The following RHOBTB1 variants were observed in gnomAD, a reference collection of about 807,000 sequenced individuals.
RHOBTB1 encodes the protein Rho related BTB domain containing 1.
A neutral mutation model predicts 71.6 loss-of-function variants in RHOBTB1; 40 were observed. That is an observed-to-expected ratio of 0.56 (90% CI 0.43 to 0.73). The LOEUF is 0.73. RHOBTB1 is among the 30% of genes least tolerant of loss of function. RHOBTB1 has a pLI of 0.00. For missense variants in RHOBTB1, 797 were observed against 894.0 expected (o/e 0.89, Z 1.38); for synonymous variants, 319 against 334.9 (o/e 0.95, Z 0.52).
rs2081708211 is a variant in RHOBTB1 at position 60,888,416 on chromosome 10, GA to G, written c.1251del (p.Leu418PhefsTer28). On this transcript the variant is annotated frameshift_variant, in exon 6 of 11. Coordinates refer to ENST00000337910, the MANE Select transcript of RHOBTB1 (RefSeq NM_014836.5). LOFTEE classifies it high-confidence loss of function. ...QPGPFRTLLQ[F>X]LYTGQLDEKE... is the part of the protein sequence containing the mutation. ...TTTTCATCCAGTTGTCCCGTATAAA[GA>G]AACTGGAGCAGGGTCCGAAAAGGGC... is the stretch of plus-strand genomic sequence containing the variant. 1.9e-6 allele frequency: 3 copies of G among 1,614,038 alleles called. No individual in the cohort carries two copies. The highest frequency in any genetic ancestry group is 1.7e-6 in the Non-Finnish European group (2 of 1,180,034).
chr10:60,899,346 A>T (rs1205104465), intron 4 of RHOBTB1, among the ~76,000 whole-genome samples: 1 of 152,238 alleles, frequency 6.6e-6, no homozygotes, highest in Non-Finnish European at 1.5e-5. Context: ...TCTGGAGTTC[A>T]TATTCCTCTT....
chr10:60,912,148 CTTATA>C (rs1485525324), intron 2 of RHOBTB1, among the ~76,000 whole-genome samples: 2 of 151,996 alleles, frequency 1.3e-5, no homozygotes, highest in African/African-American at 2.4e-5. Flanking sequence ...ATCAAATTAA[CTTATA>C]TTTATTTGTA....
intron 2 of RHOBTB1, among the ~76,000 whole-genome samples, chr10:60,932,029 G>C (rs1163466641): frequency 6.6e-6 from 1 of 152,106 alleles, no homozygotes; most frequent in Non-Finnish European, 1.5e-5. Context: ...GATATTCTAA[G>C]CTTAGATCAA....
At chr10:60,980,210 T>C (rs1005677753) in intron 2 of RHOBTB1, among the ~76,000 whole-genome samples, 3 of 152,232 alleles carry the variant, frequency 2.0e-5, no homozygotes, top group South Asian at 2.1e-4. Context: ...GAGCAAGACA[T>C]TAATGATAGG....
intron 1 of RHOBTB1, among the ~76,000 whole-genome samples, chr10:60,943,384 C>T (rs974405025): frequency 2.0e-5 from 3 of 152,182 alleles, no homozygotes; most frequent in African/African-American, 7.2e-5. Flanking sequence ...TGGTTGTTTT[C>T]CCCAAAGCTG....
At chr10:60,937,913 T>G (rs1417968708) in intron 2 of RHOBTB1, among the ~76,000 whole-genome samples, 2 of 152,200 alleles carry the variant, frequency 1.3e-5, no homozygotes, top group Admixed American at 6.5e-5. Context: ...TTTACATGCA[T>G]GAGGATTTTA....
At position 60,889,094 on chromosome 10, in the gene RHOBTB1, CA is replaced by C; in HGVS notation, c.573del (p.Phe191LeufsTer18). The C allele has an allele frequency of 6.2e-7, 1 of 1,614,182 alleles. No homozygotes were observed. The highest frequency in any genetic ancestry group is 8.5e-7 in the Non-Finnish European group (1 of 1,180,022). On this transcript the variant is annotated frameshift_variant, in exon 6 of 11. Coordinates refer to ENST00000337910, the MANE Select transcript of RHOBTB1 (RefSeq NM_014836.5). LOFTEE classifies it high-confidence loss of function. ...LGLPYYETSV[F>X]DQFGIKDVFD... ...AACACATCCTTGATACCAAACTGGT[CA>C]AACACGCTTGTTTCATAGTATGGTA...
chr10:60,948,889 C>T (rs1200103984), upstream of RHOBTB1, among the ~76,000 whole-genome samples: 1 of 152,174 alleles, frequency 6.6e-6, no homozygotes, highest in Non-Finnish European at 1.5e-5. Flanking sequence ...TAAGGAAATA[C>T]TTCTGGACTA....
chr10:60,977,707 G>A (rs193280885), intron 2 of RHOBTB1, among the ~76,000 whole-genome samples: 63 of 152,124 alleles, frequency 4.1e-4, no homozygotes, highest in African/African-American at 1.5e-3. Flanking sequence ...ATGAACCAAG[G>A]TGGTGAAAAA....
chr10:60,932,237 T>C (rs1227493569), intron 2 of RHOBTB1, among the ~76,000 whole-genome samples: 1 of 152,126 alleles, frequency 6.6e-6, no homozygotes, highest in Non-Finnish European at 1.5e-5. Flanking sequence ...GACACCTTGA[T>C]GTAAGCTAAC....
At chr10:60,873,282 C>T (rs1055481078) in intron 9 of RHOBTB1, among the ~76,000 whole-genome samples, 2 of 152,232 alleles carry the variant, frequency 1.3e-5, no homozygotes, top group Admixed American at 6.5e-5. Flanking sequence ...TTCTTCCCTA[C>T]TTTGAGTTTA....
intron 2 of RHOBTB1, among the ~76,000 whole-genome samples, chr10:60,938,785 C>A (rs1239639582): frequency 1.3e-5 from 2 of 152,056 alleles, no homozygotes; most frequent in Admixed American, 1.3e-4. Context: ...GCGTTGGGTG[C>A]AAATCCAAGC....
At chr10:60,924,474 G>A (rs1197413562) in intron 2 of RHOBTB1, among the ~76,000 whole-genome samples, 3 of 152,050 alleles carry the variant, frequency 2.0e-5, no homozygotes, top group East Asian at 3.9e-4. Context: ...GTCAACACTC[G>A]AGCATCCAGA....
chr10:60,955,292 C>T (rs945412913), intron 2 of RHOBTB1, among the ~76,000 whole-genome samples: 3 of 152,070 alleles, frequency 2.0e-5, no homozygotes, highest in Non-Finnish European at 4.4e-5. Context: ...CCGCCTGCTT[C>T]GGCCTCCCAA....
Position 60,911,555 on chromosome 10 carries a change from G to T in RHOBTB1, c.-10-3C>A. On this transcript the variant is annotated splice_polypyrimidine_tract_variant and splice_region_variant and intron_variant, in intron 2 of 10. Transcript: ENST00000337910. ...TGTCAGCGTCCATTTATGAAACTCT[G>T]TAAGAAGAGAGTGAACACCACAGTA... 6.2e-7 allele frequency: 1 copy of T among 1,610,938 alleles called. No homozygotes were observed.
chr10:60,861,063 A>T, the RHOBTB1 span, among the ~76,000 whole-genome samples: 1 of 152,206 alleles, frequency 6.6e-6, no homozygotes, highest in Admixed American at 6.5e-5. Flanking sequence ...AGATATGATC[A>T]CCAGGCTTCC....
chr10:60,966,459 C>A (rs1459975907), intron 2 of RHOBTB1, among the ~76,000 whole-genome samples: 1 of 151,332 alleles, frequency 6.6e-6, no homozygotes, highest in Non-Finnish European at 1.5e-5. Flanking sequence ...CACTTGAGAC[C>A]AGGAGTTTGA....
At chr10:60,914,124 A>G (rs191064480) in intron 2 of RHOBTB1, among the ~76,000 whole-genome samples, 2 of 152,330 alleles carry the variant, frequency 1.3e-5, no homozygotes, top group East Asian at 1.9e-4. Context: ...TAACTCACTG[A>G]AAATTAAAGA....
chr10:60,992,511 C>G (rs779796195), intron 1 of RHOBTB1, among the ~76,000 whole-genome samples: 2 of 152,120 alleles, frequency 1.3e-5, no homozygotes, highest in African/African-American at 2.4e-5. Flanking sequence ...GCTGGATATG[C>G]CTTTTTATAT....
Sources: gnomAD v4.1 joint callset for allele counts (sites outside exome capture counted in the v4.1 genomes callset) on GRCh38, gnomAD v4.1.1 for gene constraint, MANE v1.5 for transcripts, NCBI Gene and HGNC (gene_info 2026-07-23, HGNC 2026-07-21) for gene names.